The following PLCB1 variants were observed in gnomAD, a reference collection of about 807,000 sequenced individuals.
PLCB1 encodes the protein phospholipase C beta 1.
A neutral mutation model predicts 161.8 loss-of-function variants in PLCB1; 46 were observed. The observed-to-expected ratio is 0.28, with a 90% CI of 0.22 to 0.36. The LOEUF (loss-of-function observed/expected upper bound fraction) is 0.36, where lower values mean the gene tolerates loss of function less well. Among genes scored for constraint, PLCB1 ranks in the 10% least tolerant of loss-of-function variants. The pLI is 1.00. For synonymous variants in PLCB1, 517 were observed against 503.7 expected, an observed-to-expected ratio of 1.03 and a Z score of -0.35; for missense variants, 1,016 against 1,472.5, an observed-to-expected ratio of 0.69 and a Z score of 5.07.
chr20:8,700,931 T>TA (rs1375595822), intron 11 of PLCB1, among the ~76,000 whole-genome samples: 1 of 152,228 alleles, frequency 6.6e-6, no homozygotes, highest in African/African-American at 2.4e-5. Flanking sequence ...TGCAGACTGA[T>TA]ATGCAGTAGC....
chr20:8,701,782 A>G (rs982285410), intron 11 of PLCB1, among the ~76,000 whole-genome samples: 3 of 152,194 alleles, frequency 2.0e-5, no homozygotes, highest in African/African-American at 4.8e-5. Context: ...CAAATACAGC[A>G]TAACCTCCAT....
Position 8,525,907 on chromosome 20 carries a change from G to T in PLCB1, c.247-102387G>T, listed in dbSNP as rs893180873. Among the ~76,000 whole-genome samples, 11 of 152,042 alleles carry T rather than the reference G, an allele frequency of 7.2e-5. No individual in the cohort carries two copies. In the South Asian group the frequency reaches 2.1e-3, roughly 29 times the overall value. On this transcript the variant is annotated intron_variant, in intron 3 of 31. Transcript: ENST00000338037. The stretch of plus-strand genomic sequence containing the variant: ...TCAGCTCCTAAAAAATGAAAATTGG[G>T]ATTGAAAATCAATTTTTAGTATTTT...
At chr20:8,832,890 C>A (rs1369479732) in intron 31 of PLCB1, among the ~76,000 whole-genome samples, 1 of 152,206 alleles carries the variant, frequency 6.6e-6, no homozygotes, top group Non-Finnish European at 1.5e-5. Flanking sequence ...AAAGTACCCT[C>A]ATGTCGGCAG....
At chr20:8,282,237 A>C (rs998188417) in intron 2 of PLCB1, among the ~76,000 whole-genome samples, 4 of 152,320 alleles carry the variant, frequency 2.6e-5, no homozygotes, top group Non-Finnish European at 2.9e-5. Context: ...TTTTTAATAA[A>C]AACAAGAGAA....
intron 2 of PLCB1, among the ~76,000 whole-genome samples, chr20:8,252,312 A>C (rs1981187304): frequency 6.6e-6 from 1 of 151,996 alleles, no homozygotes; most frequent in Non-Finnish European, 1.5e-5. Flanking sequence ...AATAGCCACC[A>C]AAATCTCTTG....
intron 2 of PLCB1, among the ~76,000 whole-genome samples, chr20:8,226,401 AG>A (rs1979686007): frequency 6.6e-6 from 1 of 152,134 alleles, no homozygotes; most frequent in Admixed American, 6.6e-5. Flanking sequence ...GCACACTGCC[AG>A]GAGGAAGGTT....
intron 31 of PLCB1, among the ~76,000 whole-genome samples, chr20:8,814,148 C>A (rs1343417076): frequency 6.6e-6 from 1 of 151,922 alleles, no homozygotes; most frequent in East Asian, 1.9e-4. Flanking sequence ...ATCTACAGTC[C>A]CTCAGTATTT....
At chr20:8,550,454 C>T (rs904761321) in intron 3 of PLCB1, among the ~76,000 whole-genome samples, 1 of 152,048 alleles carries the variant, frequency 6.6e-6, no homozygotes, top group African/African-American at 2.4e-5. Flanking sequence ...ATATAAAGGG[C>T]TTCCCCCTTC....
intron 2 of PLCB1, among the ~76,000 whole-genome samples, chr20:8,314,651 G>A (rs1373434466): frequency 6.6e-6 from 1 of 152,192 alleles, no homozygotes; most frequent in Non-Finnish European, 1.5e-5. Context: ...ATTTGTCTTG[G>A]CCCATAGTAA....
At chr20:8,337,695 G>A (rs977022950) in intron 2 of PLCB1, among the ~76,000 whole-genome samples, 2 of 152,186 alleles carry the variant, frequency 1.3e-5, no homozygotes, top group East Asian at 1.9e-4. Context: ...GGATTTCAAT[G>A]TTGGTTTGAA....
rs560973727 is a variant in PLCB1 at position 8,433,439 on chromosome 20, T to G, written c.246+61989T>G. 3.3e-4 allele frequency among the ~76,000 whole-genome samples: 38 copies of G among 116,454 alleles called. 5 individuals carry two copies. Among genetic ancestry groups the G allele is most frequent in the Non-Finnish European group, 6.2e-4 (33 of 53,428 alleles). 76.4% of individuals were successfully genotyped at this position (116,454 alleles called of 152,430 possible). A position where few individuals can be genotyped will look rare whatever the true frequency, so the allele number is the denominator to read the frequency against. ...GGAAGCTGCTTTTGCTCATGCTTTC[T>G]GAAGATCTTCCATAAAGAGGGGAAC... On this transcript the variant is annotated intron_variant, in intron 3 of 31. Transcript: ENST00000338037.
At chr20:8,389,669 G>T (rs1291836797) in intron 3 of PLCB1, among the ~76,000 whole-genome samples, 1 of 152,146 alleles carries the variant, frequency 6.6e-6, no homozygotes, top group Non-Finnish European at 1.5e-5. Flanking sequence ...ACGCAATAAT[G>T]CGCCATCTTG....
At chr20:8,167,412 C>A (rs1051248496) in intron 2 of PLCB1, among the ~76,000 whole-genome samples, 1 of 152,032 alleles carries the variant, frequency 6.6e-6, no homozygotes, top group Non-Finnish European at 1.5e-5. Context: ...ATATGCCATC[C>A]CTTTGTTTTT....
At chr20:8,659,670 G>C (rs1989568038) in intron 9 of PLCB1, among the ~76,000 whole-genome samples, 1 of 151,992 alleles carries the variant, frequency 6.6e-6, no homozygotes, top group Admixed American at 6.6e-5. Flanking sequence ...ATCTGGAACT[G>C]GTCCTCTAAA....
intron 9 of PLCB1, among the ~76,000 whole-genome samples, chr20:8,676,468 A>G (rs898332924): frequency 8.6e-5 from 13 of 151,494 alleles, no homozygotes; most frequent in Non-Finnish European, 1.5e-4. Context: ...GCAAGAAGAT[A>G]AAGTAATTGT....
chr20:8,501,145 A>G (rs1277514832), intron 3 of PLCB1, among the ~76,000 whole-genome samples: 1 of 152,234 alleles, frequency 6.6e-6, no homozygotes, highest in Non-Finnish European at 1.5e-5. Context: ...CGAAACAGAC[A>G]GAGGCTATGT....
Position 8,645,014 on chromosome 20 carries a change from T to TGTTGATCTG in PLCB1, c.385-1088_385-1087insGTTGATCTG, listed in dbSNP as rs1237886282. Among the ~76,000 whole-genome samples, 3 of 152,306 alleles carry TGTTGATCTG rather than the reference T, an allele frequency of 2.0e-5. No homozygotes were observed. The East Asian group carries it at 5.8e-4, about 29-fold the overall frequency. On this transcript the variant is annotated intron_variant, in intron 4 of 31. Coordinates refer to ENST00000338037, the MANE Select transcript of PLCB1 (RefSeq NM_015192.4). ...ATTCTTATCCTGTTGATCTGTAACCTTACCCCCAACCCTGTGCTCTCTGAA... is the reference window on the plus strand; with the variant it reads ...ATTCTTATCCTGTTGATCTGTAACCTGTTGATCTGTACCCCCAACCCTGTGCTCTCTGAA...
chr20:8,730,718 A>G (rs1980196362), intron 18 of PLCB1, among the ~76,000 whole-genome samples: 1 of 151,756 alleles, frequency 6.6e-6, no homozygotes, highest in Non-Finnish European at 1.5e-5. Context: ...TTTTTCTGTC[A>G]CAGGAAAAAT....
intron 2 of PLCB1, among the ~76,000 whole-genome samples, chr20:8,174,198 C>T (rs937514933): frequency 6.6e-6 from 1 of 152,112 alleles, no homozygotes; most frequent in Non-Finnish European, 1.5e-5. Context: ...CATGTGTAAA[C>T]TTCTGAAAAC....
Sources: gnomAD v4.1 joint callset for allele counts (sites outside exome capture counted in the v4.1 genomes callset) on GRCh38, gnomAD v4.1.1 for gene constraint, MANE v1.5 for transcripts, NCBI Gene and HGNC (gene_info 2026-07-23, HGNC 2026-07-21) for gene names.